Variants in COTL1 observed in about 807,000 individuals in gnomAD.
COTL1 encodes the protein coactosin-like protein.
A neutral mutation model predicts 16.5 loss-of-function variants in COTL1; 15 were observed. The observed-to-expected ratio is 0.91, with a 90% confidence interval of 0.61 to 1.40. COTL1 has a LOEUF of 1.40. COTL1 is among the 40% of genes most tolerant of loss of function. COTL1 has a pLI of 0.00. For missense variants in COTL1, 220 were observed against 201.5 expected (o/e 1.09, Z -0.56); for synonymous variants, 112 against 85.3 (o/e 1.31, Z -1.73).
At chr16:84,615,706 G>C (rs543362403) in intron 2 of COTL1, among the ~76,000 whole-genome samples, 8 of 152,328 alleles carry the variant, frequency 5.3e-5, no homozygotes, top group African/African-American at 1.7e-4. Flanking sequence ...TTCAACTACA[G>C]AGGCGGAGGG....
intron 3 of COTL1, among the ~76,000 whole-genome samples, chr16:84,571,710 G>A (rs920354983): frequency 6.6e-6 from 1 of 152,190 alleles, no homozygotes; most frequent in Non-Finnish European, 1.5e-5. Flanking sequence ...GGTCATGCAC[G>A]GGCCCATTGC....
At position 84,567,051 on chromosome 16, in the gene COTL1, A is replaced by T. The variant is rs538950677; in HGVS notation, c.319-96T>A. On this transcript the variant is annotated intron_variant, in intron 3 of 3. Transcript: ENST00000262428. ...AACACACTGGGAAGCAAAGCACTGA[A>T]AACCCTGATGAGAGATGGAAATGGA... The T allele has an allele frequency of 6.6e-4, 538 of 813,142 alleles. 8 individuals carry two copies. The highest frequency in any genetic ancestry group is 3.7e-3 in the South Asian group (264 of 72,294). The allele number at this position is 813,142 out of a possible 1,614,324, so 50.4% of individuals were successfully genotyped here.
Position 84,590,308 on chromosome 16 carries a change from C to T in COTL1, c.161-46G>A, listed in dbSNP as rs1450048615. On this transcript the variant is annotated intron_variant, in intron 2 of 3. Coordinates refer to ENST00000262428, the MANE Select transcript of COTL1 (RefSeq NM_021149.5). The surrounding 1 kb of genome is among the most constrained non-coding windows in gnomAD (Gnocchi z 5.5). The stretch of plus-strand genomic sequence containing the variant: ...AGAACATGGTGCTGCGTTAAAACAC[C>T]CCCATGTCATGTCCCTGGGGAGAGG... 3 of 1,595,812 alleles carry T rather than the reference C, an allele frequency of 1.9e-6. No homozygotes were observed. The highest frequency in any genetic ancestry group is 2.2e-5 in the East Asian group (1 of 44,590).
intron 3 of COTL1, among the ~76,000 whole-genome samples, chr16:84,573,992 A>AAATAAT (rs887119224): frequency 6.6e-6 from 1 of 151,690 alleles, no homozygotes; most frequent in East Asian, 1.9e-4. Flanking sequence ...CTTTCTCTAC[A>AAATAAT]AATAATAATA....
At chr16:84,580,383 A>C (rs1240745283) in intron 3 of COTL1, among the ~76,000 whole-genome samples, 1 of 152,062 alleles carries the variant, frequency 6.6e-6, no homozygotes, top group Non-Finnish European at 1.5e-5. Flanking sequence ...AGTAGCTTGG[A>C]CTACAGGTAC....
chr16:84,617,472 G>A, intron 2 of COTL1, 29 bp downstream of exon 2: 2 of 1,543,608 alleles, frequency 1.3e-6, no homozygotes, highest in Non-Finnish European at 1.8e-6. Flanking sequence ...CAACGACCGC[G>A]CATCCGCCCG....
intron 3 of COTL1, among the ~76,000 whole-genome samples, chr16:84,584,961 T>C: frequency 6.6e-6 from 1 of 152,180 alleles, no homozygotes; most frequent in East Asian, 1.9e-4. Flanking sequence ...TCCACCGTAC[T>C]ACACCTTCCC....
At chr16:84,585,193 C>T (rs901944111) in intron 3 of COTL1, among the ~76,000 whole-genome samples, 4 of 150,014 alleles carry the variant, frequency 2.7e-5, no homozygotes, top group Non-Finnish European at 5.9e-5. Flanking sequence ...CATACAGATC[C>T]CTCCACTAAA....
chr16:84,583,051 G>A (rs1904635544), intron 3 of COTL1, among the ~76,000 whole-genome samples: 1 of 152,238 alleles, frequency 6.6e-6, no homozygotes, highest in Non-Finnish European at 1.5e-5. Context: ...GGAGCATCCA[G>A]CCCTGCTTGC....
At position 84,617,494 on chromosome 16, in the gene COTL1, TC is replaced by T. The variant is rs1214208516; in HGVS notation, c.160+6del. 3.2e-6 allele frequency: 5 copies of T among 1,550,856 alleles called. No homozygotes were observed. The highest frequency in any genetic ancestry group is 2.0e-5 in the Admixed American group (1 of 51,092). Reference sequence around the variant, plus strand: ...CGCGCATCCGCCCGGCAGGCGCGCCTCCCTACCTGTGCACTGCTGGATGAAG... The same window carrying T: ...CGCGCATCCGCCCGGCAGGCGCGCCTCCTACCTGTGCACTGCTGGATGAAG... On this transcript the variant is annotated splice_donor_region_variant and intron_variant, in intron 2 of 3. Transcript: ENST00000262428.
intron 2 of COTL1, among the ~76,000 whole-genome samples, chr16:84,617,259 C>A (rs1246965511): frequency 6.6e-6 from 1 of 152,214 alleles, no homozygotes; most frequent in Non-Finnish European, 1.5e-5. Context: ...AAGAGCTGCC[C>A]CGCCTGGAGA....
At chr16:84,614,882 C>T (rs1280687296) in intron 2 of COTL1, among the ~76,000 whole-genome samples, 1 of 152,192 alleles carries the variant, frequency 6.6e-6, no homozygotes, top group Non-Finnish European at 1.5e-5. Flanking sequence ...AGAGCACCTG[C>T]CCCGAGCCAG....
Position 84,590,651 on chromosome 16 carries a change from G to A in COTL1, c.161-389C>T, listed in dbSNP as rs1294859176. On this transcript the variant is annotated intron_variant, in intron 2 of 3. Coordinates refer to ENST00000262428, the MANE Select transcript of COTL1 (RefSeq NM_021149.5). This position sits in a 1 kb window ranked among gnomAD's most constrained non-coding sequence, Gnocchi z 5.5. ...GTCTGGGTGGGCCCATTGCACAGAT[G>A]TGGGTGCCGCCAGCAGTGCCAGGGC... Among the ~76,000 whole-genome samples, 1 of 152,220 alleles carries A rather than the reference G, an allele frequency of 6.6e-6. No homozygotes were observed. The highest frequency in any genetic ancestry group is 1.5e-5 in the Non-Finnish European group (1 of 68,038).
At chr16:84,601,752 C>G (rs904943720) in intron 2 of COTL1, among the ~76,000 whole-genome samples, 2 of 152,220 alleles carry the variant, frequency 1.3e-5, no homozygotes, top group African/African-American at 4.8e-5. Context: ...CCGCACCCAT[C>G]CTGATCAGGG....
chr16:84,598,758 A>AAGGAGACCAAGC (rs1189525820), intron 2 of COTL1, among the ~76,000 whole-genome samples: 3 of 139,572 alleles, frequency 2.1e-5, no homozygotes, highest in Admixed American at 7.1e-5. Flanking sequence ...AGGACCACAC[A>AAGGAGACCAAGC]AGGAGACCAA....
intron 2 of COTL1, among the ~76,000 whole-genome samples, chr16:84,601,777 T>G (rs1445061622): frequency 6.6e-6 from 1 of 152,180 alleles, no homozygotes; most frequent in Non-Finnish European, 1.5e-5. Context: ...GAAGGATGAC[T>G]CAGAGTTCCT....
chr16:84,577,526 C>T (rs1429822225), intron 3 of COTL1, among the ~76,000 whole-genome samples: 3 of 152,054 alleles, frequency 2.0e-5, no homozygotes, highest in Admixed American at 6.6e-5. Flanking sequence ...ATTACAGGCA[C>T]GAGCCACCAT....
intron 1 of COTL1, 65 bp downstream of exon 1, chr16:84,617,773 C>T (rs1386169087): frequency 2.7e-6 from 4 of 1,488,204 alleles, no homozygotes; most frequent in African/African-American, 1.4e-5. Flanking sequence ...TGGAGGCCGG[C>T]TCGGTGCACG....
rs530071070 is a variant in COTL1, at chr16:84,591,795, G to C, written c.161-1533C>G. Among the ~76,000 whole-genome samples, 86 of 144,554 alleles carry C rather than the reference G, an allele frequency of 5.9e-4. 1 individual carries two copies. Among genetic ancestry groups the C allele is most frequent in the African/African-American group, 2.2e-3 (84 of 37,356 alleles). The allele number at this position is 144,554 out of a possible 152,430, so 94.8% of individuals were successfully genotyped here. A position where few individuals can be genotyped will look rare whatever the true frequency, so the allele number is the denominator to read the frequency against. On this transcript the variant is annotated intron_variant, in intron 2 of 3. Coordinates refer to ENST00000262428, the MANE Select transcript of COTL1 (RefSeq NM_021149.5). ...GTAGAGATTACGCCACTGTACTCCA[G>C]CCTGGGTGGCCAACTGAGACCCTGT...
Sources: gnomAD v4.1 joint callset for allele counts (sites outside exome capture counted in the v4.1 genomes callset) on GRCh38, gnomAD v4.1.1 for gene constraint, Gnocchi (gnomAD v3.1) non-coding constraint, MANE v1.5 for transcripts, NCBI Gene and HGNC (gene_info 2026-07-23, HGNC 2026-07-21) for gene names.